INSYN2A: variants seen among roughly 807,000 people sequenced by gnomAD.
The protein encoded by INSYN2A is inhibitory synaptic factor 2A.
Under a neutral mutation model 39.4 loss-of-function variants are expected in INSYN2A, and 17 were observed. The observed-to-expected ratio is 0.43, with a 90% CI of 0.30 to 0.65. The LOEUF is 0.65. Among genes scored for constraint, INSYN2A ranks in the 30% least tolerant of loss-of-function variants. The probability of loss-of-function intolerance (pLI) is 0.14; values close to 1 mark genes in which losing one functional copy is unlikely to be tolerated. For missense variants in INSYN2A, 595 were observed against 631.2 expected (o/e 0.94, Z 0.61); for synonymous variants, 255 against 265.7 (o/e 0.96, Z 0.39).
At chr10:127,158,224 A>C (rs561052590) in intron 4 of INSYN2A, among the ~76,000 whole-genome samples, 1 of 152,362 alleles carries the variant, frequency 6.6e-6, no homozygotes, top group Non-Finnish European at 1.5e-5. Context: ...TTGGAAACAC[A>C]TCAGAAAACA....
At chr10:127,188,897 C>T (rs1240308573) in intron 2 of INSYN2A, among the ~76,000 whole-genome samples, 1 of 152,132 alleles carries the variant, frequency 6.6e-6, no homozygotes, top group Non-Finnish European at 1.5e-5. Context: ...AGTCACATGC[C>T]AAAGGTCACA....
At position 127,194,621 on chromosome 10, in the gene INSYN2A, G is replaced by A. The variant is rs1045038165; in HGVS notation, c.-395+1376C>T. On this transcript the variant is annotated intron_variant, in intron 1 of 5. Coordinates refer to ENST00000522781, the MANE Select transcript of INSYN2A (RefSeq NM_001039762.3). The stretch of plus-strand genomic sequence containing the variant: ...TGGGAATGGCCCGGGTCTTGTGAGT[G>A]GTATTTTTTCATCAAGTACCCAGCC... Among the ~76,000 whole-genome samples the A allele has an allele frequency of 4.6e-5, 7 of 152,252 alleles. 1 individual carries two copies. The East Asian group carries it at 7.7e-4, about 17-fold the overall frequency.
At chr10:127,173,214 TAGA>T (rs2054746281) in intron 4 of INSYN2A, among the ~76,000 whole-genome samples, 1 of 151,284 alleles carries the variant, frequency 6.6e-6, no homozygotes, top group Non-Finnish European at 1.5e-5. Flanking sequence ...CTGAACACAT[TAGA>T]AGGTCACCCC....
Position 127,176,077 on chromosome 10 carries a change from T to G in INSYN2A, c.319A>C (p.Thr107Pro). ...TAACACTTCTTAAGGTCGGGCGAGG[T>G]CTGCACGCCTGTGCTCTTGGTGACG... is the stretch of plus-strand genomic sequence containing the variant. ...PNVTKSTGVQ[T>P]SPDLKKCYQT... is the part of the protein sequence containing the mutation. The change falls in exon 4 of 6, where the codon ACC becomes CCC. Residue 107 changes from threonine to proline, a missense_variant. Around this residue, in one of 2 missense-constraint regions of INSYN2A, gnomAD observed 478 missense variants for 467.4 expected, o/e 1.02. Coordinates refer to ENST00000522781, the MANE Select transcript of INSYN2A (RefSeq NM_001039762.3). The surrounding 1 kb of genome is among the most constrained non-coding windows in gnomAD (Gnocchi z 4.4). The G allele has an allele frequency of 1.2e-6, 2 of 1,614,044 alleles. No homozygotes were observed. The highest frequency in any genetic ancestry group is 1.7e-6 in the Non-Finnish European group (2 of 1,180,002).
intron 4 of INSYN2A, among the ~76,000 whole-genome samples, chr10:127,173,643 A>G (rs7904282): frequency 0.055 from 8,421 of 152,094 alleles, 779 homozygotes; most frequent in African/African-American, 0.19. Context: ...GGTTTAATTC[A>G]CTACCAACTA....
At chr10:127,163,800 T>C (rs1395212445) in intron 4 of INSYN2A, among the ~76,000 whole-genome samples, 1 of 125,508 alleles carries the variant, frequency 8.0e-6, no homozygotes, top group Non-Finnish European at 1.7e-5. Flanking sequence ...AAAGCCTTCC[T>C]TTTTTTTTTT....
intron 4 of INSYN2A, among the ~76,000 whole-genome samples, chr10:127,163,364 G>C (rs1351247999): frequency 6.6e-6 from 1 of 152,004 alleles, no homozygotes; most frequent in African/African-American, 2.4e-5. Context: ...AGTATACCGG[G>C]AGCTGTAGCT....
rs373970662 is a variant in INSYN2A, at chr10:127,178,162, C to T, written c.-268-1023G>A. 7.9e-5 allele frequency among the ~76,000 whole-genome samples: 12 copies of T among 152,358 alleles called. No individual in the cohort carries two copies. The South Asian group carries it at 2.1e-3, about 26-fold the overall frequency. On this transcript the variant is annotated intron_variant, in intron 2 of 5. Transcript: ENST00000522781. ...GACTAGCCCTCTATTAAAATGACCT[C>T]TATGTCTCAGGCCAGCCTGGTCTTG...
intron 4 of INSYN2A, among the ~76,000 whole-genome samples, chr10:127,156,250 C>A (rs1482285605): frequency 6.6e-6 from 1 of 152,146 alleles, no homozygotes; most frequent in Admixed American, 6.5e-5. Context: ...ATTATGCTAG[C>A]CCCACTTACA....
chr10:127,160,138 A>G (rs111620384), intron 4 of INSYN2A, among the ~76,000 whole-genome samples: 3 of 93,626 alleles, frequency 3.2e-5, no homozygotes, highest in East Asian at 3.3e-4. Context: ...GTCAGGAAAG[A>G]AAAAAAAAAA....
Position 127,176,348 on chromosome 10 carries a change from A to C in INSYN2A, c.48T>G (p.Ser16Arg). 1 of 1,612,228 alleles carries C rather than the reference A, an allele frequency of 6.2e-7. No individual in the cohort carries two copies. Among genetic ancestry groups the C allele is most frequent in the African/African-American group, 1.3e-5 (1 of 74,426 alleles). ...TGKCILTTSE[S>R]EVEPAACLAL... is the part of the protein sequence containing the mutation. ...CCAGGCAGGCGGCGGGTTCCACTTC[A>C]CTCTCCGACGTTGTGAGTATGCATT... is the stretch of plus-strand genomic sequence containing the variant. The change falls in exon 4 of 6, where the codon AGT becomes AGG. Residue 16 changes from serine to arginine, a missense_variant. Coordinates refer to ENST00000522781, the MANE Select transcript of INSYN2A (RefSeq NM_001039762.3). This position sits in a 1 kb window ranked among gnomAD's most constrained non-coding sequence, Gnocchi z 4.4.
chr10:127,161,551 A>G (rs1185755985), intron 4 of INSYN2A, among the ~76,000 whole-genome samples: 1 of 152,218 alleles, frequency 6.6e-6, no homozygotes, highest in African/African-American at 2.4e-5. Context: ...GTGACCCTCC[A>G]TACTGGCAAG....
At chr10:127,156,187 C>T (rs2053026691) in intron 4 of INSYN2A, among the ~76,000 whole-genome samples, 1 of 152,156 alleles carries the variant, frequency 6.6e-6, no homozygotes, top group Admixed American at 6.5e-5. Flanking sequence ...CCTTCCTTGC[C>T]CAGTGTCCAA....
At chr10:127,144,152 T>C (rs948270116) in intron 5 of INSYN2A, among the ~76,000 whole-genome samples, 1 of 152,184 alleles carries the variant, frequency 6.6e-6, no homozygotes, top group Non-Finnish European at 1.5e-5. Flanking sequence ...TTAGTCTCCC[T>C]CACTCTCTGT....
At chr10:127,183,071 CTTTTTT>C (rs3066813) in intron 2 of INSYN2A, among the ~76,000 whole-genome samples, 27 of 88,622 alleles carry the variant, frequency 3.0e-4, no homozygotes, top group African/African-American at 8.5e-4. Flanking sequence ...TATGGTGAAT[CTTTTTT>C]TTTTTTTTTT....
At chr10:127,185,725 T>C (rs1235954892) in intron 2 of INSYN2A, among the ~76,000 whole-genome samples, 1 of 152,192 alleles carries the variant, frequency 6.6e-6, no homozygotes, top group Non-Finnish European at 1.5e-5. Flanking sequence ...GGTAAAACCA[T>C]ATCCAGAGAT....
Position 127,176,397 on chromosome 10 carries a change from G to C in INSYN2A, c.-2C>G. ...TTTGCCGGTGTCCTTACTGACCATG[G>C]TTCCTGCATTCAGAAACAGCAACAG... On this transcript the variant is annotated 5_prime_UTR_variant, in exon 4 of 6. Coordinates refer to ENST00000522781, the MANE Select transcript of INSYN2A (RefSeq NM_001039762.3). The surrounding 1 kb of genome is among the most constrained non-coding windows in gnomAD (Gnocchi z 4.4). The C allele has an allele frequency of 6.3e-7, 1 of 1,595,492 alleles. No homozygotes were observed. Among genetic ancestry groups the C allele is most frequent in the Non-Finnish European group, 8.5e-7 (1 of 1,171,350 alleles).
intron 4 of INSYN2A, among the ~76,000 whole-genome samples, chr10:127,174,529 A>G (rs987449376): frequency 3.9e-5 from 6 of 152,168 alleles, no homozygotes; most frequent in Admixed American, 3.3e-4. Flanking sequence ...TCAACGCAAT[A>G]AAGTATTGGC....
chr10:127,185,961 A>G (rs190037843), intron 2 of INSYN2A, among the ~76,000 whole-genome samples: 2 of 152,176 alleles, frequency 1.3e-5, no homozygotes, highest in Non-Finnish European at 2.9e-5. Flanking sequence ...ATATTACTCA[A>G]CTTTCTTCTT....
Sources: gnomAD v4.1 joint callset for allele counts (sites outside exome capture counted in the v4.1 genomes callset) on GRCh38, gnomAD v4.1.1 for gene constraint, gnomAD v4.1.1 regional missense constraint, Gnocchi (gnomAD v3.1) non-coding constraint, MANE v1.5 for transcripts, NCBI Gene and HGNC (gene_info 2026-07-23, HGNC 2026-07-21) for gene names.